The following FARP1 variants were observed in gnomAD, a reference collection of about 807,000 sequenced individuals.
The protein encoded by FARP1 is FERM, ARH/RhoGEF and pleckstrin domain protein 1, also known as FERM, ARHGEF and pleckstrin domain-containing protein 1.
Under a neutral mutation model 128.8 loss-of-function variants are expected in FARP1, and 52 were observed. The ratio of observed to expected loss-of-function variants is 0.40; its 90% confidence interval spans 0.32 to 0.51. The LOEUF is 0.51. FARP1 is among the 20% of genes least tolerant of loss of function. FARP1 has a pLI of 0.45. For synonymous variants in FARP1, 580 were observed against 551.8 expected, an observed-to-expected ratio of 1.05 and a Z score of -0.72; for missense variants, 1,333 against 1,367.9, an observed-to-expected ratio of 0.97 and a Z score of 0.40.
At chr13:98,437,591 G>A (rs535127827) in intron 19 of FARP1, among the ~76,000 whole-genome samples, 221 of 152,174 alleles carry the variant, frequency 1.5e-3, no homozygotes, top group African/African-American at 5.0e-3. Context: ...GGGTGATAAC[G>A]CCGCGGTTGC....
chr13:98,232,488 A>G (rs1882190673), intron 2 of FARP1, among the ~76,000 whole-genome samples: 1 of 152,158 alleles, frequency 6.6e-6, no homozygotes, highest in Admixed American at 6.5e-5. Flanking sequence ...GTTTTTTACA[A>G]GTTGAAGGTT....
intron 1 of FARP1, among the ~76,000 whole-genome samples, chr13:98,146,087 C>G (rs961182429): frequency 1.3e-5 from 2 of 152,078 alleles, no homozygotes; most frequent in Non-Finnish European, 2.9e-5. Flanking sequence ...AAAAACAACT[C>G]TTTTCATCCT....
chr13:98,297,645 G>A (rs1885756061), intron 2 of FARP1, among the ~76,000 whole-genome samples: 1 of 152,190 alleles, frequency 6.6e-6, no homozygotes, highest in South Asian at 2.1e-4. Context: ...TGGGAAGGAG[G>A]ACATTTGGGT....
In FARP1 at chr13:98,395,365, G is replaced by T. The variant is rs755092202; in HGVS notation, c.1303G>T (p.Ala435Ser). Residue 435 changes from alanine (A) to serine (S), a missense_variant, in exon 13 of 27, where the codon GCG becomes TCG. Coordinates refer to ENST00000319562, the MANE Select transcript of FARP1 (RefSeq NM_005766.4). ...GAGCCCTGCGCCGAGGAGAAGCCCC[G>T]CGGGTAACAAGCAGGCGGACGGAGC... ...HPSPAPRRSPAGNKQADGAAS... is the reference protein window; with the variant it reads ...HPSPAPRRSPSGNKQADGAAS... 6.2e-7 allele frequency: 1 copy of T among 1,611,916 alleles called. No homozygotes were observed. Among genetic ancestry groups the T allele is most frequent in the East Asian group, 2.2e-5 (1 of 44,834 alleles).
intron 2 of FARP1, among the ~76,000 whole-genome samples, chr13:98,299,388 C>A (rs377012106): frequency 6.6e-6 from 1 of 152,288 alleles, no homozygotes; most frequent in Admixed American, 6.5e-5. Context: ...CTGGCTGGCT[C>A]TATTTGAAAG....
intron 2 of FARP1, among the ~76,000 whole-genome samples, chr13:98,282,842 A>AG (rs1476515715): frequency 1.3e-5 from 2 of 152,198 alleles, no homozygotes; most frequent in Admixed American, 1.3e-4. Flanking sequence ...TGAAGGTTGC[A>AG]GTGAGCAGAG....
At chr13:98,424,407 T>G (rs1891700783) in intron 16 of FARP1, among the ~76,000 whole-genome samples, 165 bp from the exon 17 acceptor site, 1 of 152,198 alleles carries the variant, frequency 6.6e-6, no homozygotes, top group Admixed American at 6.5e-5. Flanking sequence ...GTGGGGTAAT[T>G]TCCAAGTCTC....
chr13:98,426,951 C>T (rs1817204906), intron 17 of FARP1, among the ~76,000 whole-genome samples: 1 of 152,152 alleles, frequency 6.6e-6, no homozygotes, highest in Non-Finnish European at 1.5e-5. Flanking sequence ...GTACAGAGTT[C>T]TCGTATTCTT....
chr13:98,362,373 T>TG (rs1426068866), intron 3 of FARP1, among the ~76,000 whole-genome samples: 1 of 152,234 alleles, frequency 6.6e-6, no homozygotes, highest in African/African-American at 2.4e-5. Flanking sequence ...CTCTTCCCCA[T>TG]GCACCAGACG....
At chr13:98,325,076 A>G (rs16955334) in intron 2 of FARP1, among the ~76,000 whole-genome samples, 5,856 of 152,304 alleles carry the variant, frequency 0.038, 183 homozygotes, top group African/African-American at 0.089. Context: ...GTCATGAACT[A>G]TGGGATAATA....
intron 2 of FARP1, among the ~76,000 whole-genome samples, chr13:98,267,444 T>C (rs1884174339): frequency 6.6e-6 from 1 of 152,232 alleles, no homozygotes; most frequent in Non-Finnish European, 1.5e-5. Context: ...TCTTGACTTT[T>C]CTGCTGGTCT....
At chr13:98,417,824 T>C (rs1233069542) in intron 16 of FARP1, among the ~76,000 whole-genome samples, 1 of 152,220 alleles carries the variant, frequency 6.6e-6, no homozygotes, top group African/African-American at 2.4e-5. Context: ...AGCATCTTTA[T>C]AGAAGCACCA....
intron 3 of FARP1, among the ~76,000 whole-genome samples, chr13:98,351,608 T>C (rs1323694080): frequency 7.7e-6 from 1 of 129,088 alleles, no homozygotes; most frequent in Non-Finnish European, 1.7e-5. Flanking sequence ...CAAGACTCCA[T>C]CTAAAAAAAA....
chr13:98,349,671 GGAAAAAAAAAAAA>G (rs1566906019), intron 3 of FARP1, among the ~76,000 whole-genome samples: 1 of 83,138 alleles, frequency 1.2e-5, no homozygotes, highest in African/African-American at 4.3e-5. Flanking sequence ...CCCATCTCAG[GGAAAAAAAAAAAA>G]AAAAAAAAAA....
intron 1 of FARP1, among the ~76,000 whole-genome samples, chr13:98,212,423 G>A (rs1880780152): frequency 6.6e-6 from 1 of 152,202 alleles, no homozygotes; most frequent in African/African-American, 2.4e-5. Flanking sequence ...AGAGGGCAAA[G>A]CACTCAGCCA....
intron 17 of FARP1, among the ~76,000 whole-genome samples, chr13:98,429,239 C>T (rs1229617193): frequency 1.3e-5 from 2 of 152,106 alleles, no homozygotes; most frequent in African/African-American, 4.8e-5. Context: ...CCGGAGTAAC[C>T]CCGAGGGATG....
chr13:98,177,107 C>T (rs755839729), intron 1 of FARP1: 8 of 1,601,116 alleles, frequency 5.0e-6, no homozygotes, highest in African/African-American at 4.0e-5. Context: ...CTGCTCTCTC[C>T]GTGCTCGGGG....
intron 2 of FARP1, among the ~76,000 whole-genome samples, chr13:98,312,466 A>G (rs1886517765): frequency 6.6e-6 from 1 of 152,186 alleles, no homozygotes; most frequent in South Asian, 2.1e-4. Flanking sequence ...AGGTGGTCAT[A>G]GCTCAGTTTG....
intron 1 of FARP1, among the ~76,000 whole-genome samples, chr13:98,184,629 T>C (rs142044391): frequency 6.6e-6 from 1 of 152,324 alleles, no homozygotes; most frequent in African/African-American, 2.4e-5. Flanking sequence ...CAAAATGCGA[T>C]TGCCTGGATT....
Sources: gnomAD v4.1 joint callset for allele counts (sites outside exome capture counted in the v4.1 genomes callset) on GRCh38, gnomAD v4.1.1 for gene constraint, MANE v1.5 for transcripts, NCBI Gene and HGNC (gene_info 2026-07-23, HGNC 2026-07-21) for gene names.